Variants in PAPPA observed in about 807,000 individuals in gnomAD.
PAPPA encodes pappalysin-1.
A neutral mutation model predicts 164.0 loss-of-function variants in PAPPA; 60 were observed. The ratio of observed to expected loss-of-function variants is 0.37; its 90% CI spans 0.30 to 0.45. The LOEUF (loss-of-function observed/expected upper bound fraction) is 0.45, where lower values mean the gene tolerates loss of function less well. Among genes scored for constraint, PAPPA ranks in the 20% least tolerant of loss-of-function variants. The pLI is 1.00. For missense variants in PAPPA, 1,782 were observed against 2,087.3 expected, an observed-to-expected ratio of 0.85 and a Z score of 2.85; for synonymous variants, 875 against 814.1, an observed-to-expected ratio of 1.07 and a Z score of -1.27.
chr9:116,182,202 C>T (rs925201958), intron 1 of PAPPA, among the ~76,000 whole-genome samples: 5 of 152,148 alleles, frequency 3.3e-5, no homozygotes, highest in East Asian at 1.9e-4. Flanking sequence ...AGATAATTAA[C>T]GTAGAGTAAA....
intron 9 of PAPPA, among the ~76,000 whole-genome samples, chr9:116,300,639 C>T (rs752473135): frequency 2.6e-5 from 4 of 152,184 alleles, no homozygotes; most frequent in Non-Finnish European, 5.9e-5. Context: ...AGGGATTTTG[C>T]AGCTTGGAAG....
At chr9:116,380,072 T>C (rs4837261) in intron 20 of PAPPA, among the ~76,000 whole-genome samples, 124,878 of 152,156 alleles carry the variant, frequency 0.82, 51,404 homozygotes, top group African/African-American at 0.86. Flanking sequence ...TCTTTCTACT[T>C]TTTAATAGCA....
chr9:116,329,348 T>A (rs75724745), intron 10 of PAPPA, among the ~76,000 whole-genome samples: 1 of 152,062 alleles, frequency 6.6e-6, no homozygotes, highest in African/African-American at 2.4e-5. Context: ...ACAGTTTGGA[T>A]TTTTTTTAAT....
intron 19 of PAPPA, among the ~76,000 whole-genome samples, chr9:116,374,969 T>C (rs1766818608): frequency 1.3e-5 from 2 of 152,260 alleles, no homozygotes; most frequent in South Asian, 4.1e-4. Context: ...CCTTCATGTA[T>C]TTCTTCACTG....
intron 8 of PAPPA, among the ~76,000 whole-genome samples, chr9:116,266,970 T>C (rs1337075028): frequency 2.0e-5 from 3 of 152,228 alleles, no homozygotes; most frequent in South Asian, 2.1e-4. Flanking sequence ...AAACAAGCTA[T>C]TGGCAAAATT....
intron 10 of PAPPA, among the ~76,000 whole-genome samples, chr9:116,303,791 C>G (rs1845610496): frequency 6.6e-6 from 1 of 152,186 alleles, no homozygotes; most frequent in African/African-American, 2.4e-5. Flanking sequence ...TCGGGTAGCC[C>G]TGGCTTCTAG....
intron 9 of PAPPA, among the ~76,000 whole-genome samples, chr9:116,274,380 G>A (rs1845172866): frequency 6.6e-6 from 1 of 152,228 alleles, no homozygotes; most frequent in South Asian, 2.1e-4. Context: ...GACAAATCGT[G>A]TAGCTGAAGT....
chr9:116,350,810 CT>C (rs1308682387), intron 15 of PAPPA, among the ~76,000 whole-genome samples: 1 of 152,186 alleles, frequency 6.6e-6, no homozygotes, highest in Non-Finnish European at 1.5e-5. Flanking sequence ...ATTCTGGACG[CT>C]TCTATGCTTC....
chr9:116,269,174 C>A (rs1229339584), intron 8 of PAPPA, among the ~76,000 whole-genome samples: 1 of 152,106 alleles, frequency 6.6e-6, no homozygotes, highest in Non-Finnish European at 1.5e-5. Context: ...TTGAGTTCTC[C>A]CACCCAACAG....
At chr9:116,279,042 T>A (rs1329462891) in intron 9 of PAPPA, among the ~76,000 whole-genome samples, 1 of 152,192 alleles carries the variant, frequency 6.6e-6, no homozygotes, top group Non-Finnish European at 1.5e-5. Flanking sequence ...TAAATTACAG[T>A]GGTGCCATTT....
At chr9:116,217,222 C>A (rs141559914) in intron 4 of PAPPA, among the ~76,000 whole-genome samples, 165 of 152,246 alleles carry the variant, frequency 1.1e-3, no homozygotes, top group African/African-American at 3.9e-3. Context: ...CAGGAAAAAA[C>A]CTACTGTTTT....
At chr9:116,158,911 A>G (rs1282872020) in intron 1 of PAPPA, among the ~76,000 whole-genome samples, 1 of 152,214 alleles carries the variant, frequency 6.6e-6, no homozygotes, top group Non-Finnish European at 1.5e-5. Flanking sequence ...ATGTGAACCC[A>G]AGTCCTCGTT....
At position 116,347,231 on chromosome 9, in the gene PAPPA, G is replaced by T; in HGVS notation, c.3964+22G>T. The T allele has an allele frequency of 6.3e-7, 1 of 1,583,972 alleles. No individual in the cohort carries two copies. Among genetic ancestry groups the T allele is most frequent in the Non-Finnish European group, 8.6e-7 (1 of 1,163,296 alleles). On this transcript the variant is annotated intron_variant, in intron 15 of 21. Transcript: ENST00000328252. This position sits in a 1 kb window ranked among gnomAD's most constrained non-coding sequence, Gnocchi z 4.5. The stretch of plus-strand genomic sequence containing the variant: ...AAAGGTATCAAGAACGCCTTCCCCA[G>T]CTCAGCCTTCCTTTGTCTATGGGAA...
chr9:116,247,294 C>T (rs1774199693), intron 7 of PAPPA, among the ~76,000 whole-genome samples: 1 of 152,178 alleles, frequency 6.6e-6, no homozygotes, highest in African/African-American at 2.4e-5. Flanking sequence ...TTCAGGAGGT[C>T]TTGTTCTGCA....
chr9:116,374,183 T>C (rs1471101951), intron 19 of PAPPA, among the ~76,000 whole-genome samples: 3 of 101,586 alleles, frequency 3.0e-5, no homozygotes. Context: ...ATGATGATGA[T>C]GGTGGTGATG....
rs1315533506 is a variant in PAPPA, at chr9:116,154,631, C to T, written c.415+44C>T. 2.3e-6 allele frequency: 3 copies of T among 1,283,582 alleles called. No homozygotes were observed. Among genetic ancestry groups the T allele is most frequent in the Admixed American group, 4.1e-5 (1 of 24,156 alleles). The allele number at this position is 1,283,582 out of a possible 1,614,324, so 79.5% of individuals were successfully genotyped here. A position where few individuals can be genotyped will look rare whatever the true frequency, so the allele number is the denominator to read the frequency against. ...GCGGGCGCTGCACCGTCCCTGCGGCCCCAGAGGCTCGCGGGTGTCTGGGCG... is the reference window on the plus strand; with the variant it reads ...GCGGGCGCTGCACCGTCCCTGCGGCTCCAGAGGCTCGCGGGTGTCTGGGCG... On this transcript the variant is annotated intron_variant, in intron 1 of 21. Transcript: ENST00000328252. The surrounding 1 kb of genome is among the most constrained non-coding windows in gnomAD (Gnocchi z 5.2).
chr9:116,257,911 C>T (rs1844950537), intron 7 of PAPPA, among the ~76,000 whole-genome samples: 1 of 151,844 alleles, frequency 6.6e-6, no homozygotes, highest in African/African-American at 2.4e-5. Context: ...AATAAACCTA[C>T]ACGTAATTAT....
intron 8 of PAPPA, among the ~76,000 whole-genome samples, chr9:116,268,662 G>A (rs1172018377): frequency 1.3e-5 from 2 of 149,040 alleles, no homozygotes; most frequent in Non-Finnish European, 3.0e-5. Context: ...AAAACTATTA[G>A]TATCATAATT....
chr9:116,258,072 A>G (rs1010375029), intron 7 of PAPPA, among the ~76,000 whole-genome samples: 6 of 152,014 alleles, frequency 3.9e-5, no homozygotes, highest in Non-Finnish European at 7.4e-5. Context: ...TACTGAAACT[A>G]TAAAAGAAGA....
Sources: allele counts gnomAD v4.1 joint callset (sites outside exome capture counted in the v4.1 genomes callset), GRCh38; gene constraint gnomAD v4.1.1; non-coding constraint Gnocchi (gnomAD v3.1); transcripts MANE v1.5; gene names NCBI Gene and HGNC (gene_info 2026-07-23, HGNC 2026-07-21).